MORN5: variants seen among roughly 807,000 people sequenced by gnomAD.
MORN5 encodes the protein MORN repeat-containing protein 5.
Under a neutral mutation model 22.1 loss-of-function variants are expected in MORN5, and 21 were observed. That is an observed-to-expected ratio of 0.95 (90% CI 0.67 to 1.37). The LOEUF (loss-of-function observed/expected upper bound fraction) is 1.37. MORN5 is among the 40% of genes most tolerant of loss of function. The pLI is 0.00. For synonymous variants in MORN5, 73 were observed against 74.0 expected, an observed-to-expected ratio of 0.99 and a Z score of 0.07; for missense variants, 211 against 215.1, an observed-to-expected ratio of 0.98 and a Z score of 0.12.
At chr9:122,162,638 A>T (rs1026647224) in intron 1 of MORN5, among the ~76,000 whole-genome samples, 7 of 152,260 alleles carry the variant, frequency 4.6e-5, no homozygotes, top group African/African-American at 1.7e-4. Context: ...ACTACTCAGC[A>T]ATAAAAAGGA....
intron 1 of MORN5, among the ~76,000 whole-genome samples, chr9:122,161,469 C>T (rs376236898): frequency 4.3e-4 from 66 of 152,302 alleles, no homozygotes; most frequent in African/African-American, 1.5e-3. Context: ...TCTCACTACT[C>T]AGTGAGATAG....
Position 122,159,994 on chromosome 9 carries a change from T to A in MORN5, c.22T>A (p.Tyr8Asn). 6.2e-7 allele frequency: 1 copy of A among 1,613,988 alleles called. No homozygotes were observed. The highest frequency in any genetic ancestry group is 8.5e-7 in the Non-Finnish European group (1 of 1,179,980). Residue 8 changes from tyrosine (Y) to asparagine (N), a missense_variant, in exon 1 of 5, where the codon TAT becomes AAT. Transcript: ENST00000373764. ...CGCCATGGAGTACACAGGGAGCAAA[T>A]ATATCGGGGAATATGTAGATGGGAG... is the stretch of plus-strand genomic sequence containing the variant. MEYTGSK[Y>N]IGEYVDGRME...
chr9:122,161,691 A>G (rs1039501945), intron 1 of MORN5, among the ~76,000 whole-genome samples: 4 of 152,378 alleles, frequency 2.6e-5, no homozygotes, highest in Non-Finnish European at 4.4e-5. Context: ...TTTAGGCACA[A>G]AAAGTTGAGA....
intron 4 of MORN5, 88 bp downstream of exon 4, chr9:122,174,715 G>A (rs1588305126): frequency 6.2e-7 from 1 of 1,606,542 alleles, no homozygotes; most frequent in Non-Finnish European, 8.5e-7. Context: ...GCACACACTT[G>A]ATGAGAAAGA....
chr9:122,192,211 C>T (rs73666020), intron 4 of MORN5, among the ~76,000 whole-genome samples: 16,880 of 152,242 alleles, frequency 0.11, 1,721 homozygotes, highest in African/African-American at 0.28. Flanking sequence ...CCACATGAGC[C>T]CTGAAGTCCT....
chr9:122,180,276 TTTC>T (rs1292930091), intron 4 of MORN5, among the ~76,000 whole-genome samples: 14 of 147,104 alleles, frequency 9.5e-5, no homozygotes, highest in African/African-American at 2.8e-4. Context: ...TCTATGACAT[TTTC>T]TTCTTTTTTT....
At chr9:122,198,005 C>T (rs952063258) in intron 4 of MORN5, among the ~76,000 whole-genome samples, 2 of 152,172 alleles carry the variant, frequency 1.3e-5, no homozygotes, top group East Asian at 1.9e-4. Context: ...AAATGGTGGG[C>T]AGGTGGTTAG....
chr9:122,183,318 G>C (rs1463189071), intron 4 of MORN5, among the ~76,000 whole-genome samples: 4 of 152,190 alleles, frequency 2.6e-5, no homozygotes, highest in Admixed American at 2.6e-4. Context: ...CTCGCTGGCA[G>C]TTTGTATGAG....
chr9:122,178,022 A>C (rs756145555), intron 4 of MORN5, among the ~76,000 whole-genome samples: 2 of 152,214 alleles, frequency 1.3e-5, no homozygotes, highest in Non-Finnish European at 2.9e-5. Context: ...TCTATAAAAT[A>C]ACAAGGATAA....
rs1349084430 is a variant in MORN5, at chr9:122,197,603, G to C, written c.440-2282G>C. On this transcript the variant is annotated intron_variant, in intron 4 of 4. Transcript: ENST00000373764. The surrounding 1 kb of genome is among the most constrained non-coding windows in gnomAD (Gnocchi z 5.7). Reference sequence around the variant, plus strand: ...AAATTGGTGGCTGTACAGCCAGGTAGAGAGTGAAAGGGGTAGTGAAGAGGG... The same window carrying C: ...AAATTGGTGGCTGTACAGCCAGGTACAGAGTGAAAGGGGTAGTGAAGAGGG... Among the ~76,000 whole-genome samples the C allele has an allele frequency of 1.3e-5, 2 of 152,182 alleles. No individual in the cohort carries two copies. The highest frequency in any genetic ancestry group is 2.9e-5 in the Non-Finnish European group (2 of 68,042).
intron 4 of MORN5, among the ~76,000 whole-genome samples, chr9:122,188,172 G>A (rs1163444305): frequency 6.6e-6 from 1 of 152,240 alleles, no homozygotes; most frequent in African/African-American, 2.4e-5. Flanking sequence ...TTTAGCTTCA[G>A]TCCTTCAGAC....
Position 122,192,579 on chromosome 9 carries a change from T to C in MORN5, c.440-7306T>C, listed in dbSNP as rs1041203644. On this transcript the variant is annotated intron_variant, in intron 4 of 4. Coordinates refer to ENST00000373764, the MANE Select transcript of MORN5 (RefSeq NM_198469.4). ...GCTGCACTAATGTCACCTGGTGACC[T>C]GGGCACAGCTCAGCAGACCCGGCAC... Among the ~76,000 whole-genome samples, 21 of 152,226 alleles carry C rather than the reference T, an allele frequency of 1.4e-4. 1 individual carries two copies. Among genetic ancestry groups the C allele is most frequent in the African/African-American group, 5.1e-4 (21 of 41,470 alleles).
chr9:122,189,977 C>A (rs1464563655), intron 4 of MORN5, among the ~76,000 whole-genome samples: 3 of 152,142 alleles, frequency 2.0e-5, no homozygotes, highest in Admixed American at 1.3e-4. Flanking sequence ...CAGCATGGGA[C>A]CTTCCTAAGA....
chr9:122,167,060 T>TTC, intron 2 of MORN5, 145 bp downstream of exon 2: 1 of 654,290 alleles, frequency 1.5e-6, no homozygotes, highest in Non-Finnish European at 2.4e-6. Context: ...CCCCCACTTT[T>TTC]TTTTTTTTTT....
chr9:122,174,952 T>C (rs1037215847), intron 4 of MORN5: 1 of 885,714 alleles, frequency 1.1e-6, no homozygotes, highest in African/African-American at 1.8e-5. Context: ...GTGCTTGGTG[T>C]TGGGGGAAAA....
chr9:122,195,886 A>G (rs1021583801), intron 4 of MORN5, among the ~76,000 whole-genome samples: 2 of 152,124 alleles, frequency 1.3e-5, no homozygotes, highest in African/African-American at 4.8e-5. Context: ...CATTTTTACC[A>G]GTATCTTTAT....
chr9:122,177,743 T>C (rs1829475356), intron 4 of MORN5, among the ~76,000 whole-genome samples: 1 of 152,232 alleles, frequency 6.6e-6, no homozygotes, highest in African/African-American at 2.4e-5. Context: ...CAATAGCTTC[T>C]CACTGGCCCA....
intron 4 of MORN5, among the ~76,000 whole-genome samples, chr9:122,177,599 A>T (rs1386485150): frequency 6.6e-6 from 1 of 152,034 alleles, no homozygotes; most frequent in Admixed American, 6.6e-5. Context: ...TGCCCAGCTA[A>T]TTTTTGTATT....
chr9:122,199,988 G>A lies in MORN5; in HGVS notation c.*57G>A. The A allele has an allele frequency of 6.3e-7, 1 of 1,575,996 alleles. No homozygotes were observed. The highest frequency in any genetic ancestry group is 8.7e-7 in the Non-Finnish European group (1 of 1,145,362). ...GAACTCTGTGGCTGCCTCCACCAGAGGTTTCCATCTGCCCTACTAGCATTG... is the reference window on the plus strand; with the variant it reads ...GAACTCTGTGGCTGCCTCCACCAGAAGTTTCCATCTGCCCTACTAGCATTG... On this transcript the variant is annotated 3_prime_UTR_variant, in exon 5 of 5. Coordinates refer to ENST00000373764, the MANE Select transcript of MORN5 (RefSeq NM_198469.4).
Sources: allele counts gnomAD v4.1 joint callset (sites outside exome capture counted in the v4.1 genomes callset), GRCh38; gene constraint gnomAD v4.1.1; non-coding constraint Gnocchi (gnomAD v3.1); transcripts MANE v1.5; gene names NCBI Gene and HGNC (gene_info 2026-07-23, HGNC 2026-07-21).